ZBTB16: variants seen among roughly 807,000 people sequenced by gnomAD.
ZBTB16 encodes the protein zinc finger and BTB domain containing 16, also known as zinc finger and BTB domain-containing protein 16.
ZBTB16 carries 8 observed loss-of-function variants against 56.8 expected under a neutral mutation model. The observed-to-expected ratio is 0.14, with a 90% CI of 0.08 to 0.25. The LOEUF (loss-of-function observed/expected upper bound fraction) is 0.25. Among genes scored for constraint, ZBTB16 ranks in the 10% least tolerant of loss-of-function variants. The pLI is 1.00. For synonymous variants in ZBTB16, 363 were observed against 368.5 expected (o/e 0.98, Z 0.17); for missense variants, 625 against 903.0 (o/e 0.69, Z 3.95).
intron 2 of ZBTB16, among the ~76,000 whole-genome samples, chr11:114,097,832 C>CGA (rs1248138083): frequency 6.6e-6 from 1 of 152,194 alleles, no homozygotes; most frequent in Non-Finnish European, 1.5e-5. Flanking sequence ...ATCTTCCGCT[C>CGA]TGATTTTTTT....
rs532992495 is a variant in ZBTB16 at position 114,254,441 on chromosome 11, T to C, written c.*3886T>C. Among the ~76,000 whole-genome samples the C allele has an allele frequency of 1.1e-4, 17 of 152,162 alleles. No individual in the cohort carries two copies. Among genetic ancestry groups the C allele is most frequent in the Non-Finnish European group, 2.2e-4 (15 of 68,028 alleles). ...GCTGCAATTTTTCACAAGTGTATGG[T>C]ACCTTTCTGGATGCTATTGGTACAA... is the stretch of plus-strand genomic sequence containing the variant. On this transcript the variant is annotated 3_prime_UTR_variant, in exon 7 of 7. Transcript: ENST00000335953.
At chr11:114,230,817 G>A (rs752990435) in intron 4 of ZBTB16, among the ~76,000 whole-genome samples, 3 of 151,766 alleles carry the variant, frequency 2.0e-5, no homozygotes, top group African/African-American at 4.8e-5. Flanking sequence ...TTTCTGTCTC[G>A]CCCAACCCCT....
At chr11:114,112,176 T>G (rs1040717860) in intron 2 of ZBTB16, among the ~76,000 whole-genome samples, 1 of 152,234 alleles carries the variant, frequency 6.6e-6, no homozygotes, top group African/African-American at 2.4e-5. Flanking sequence ...GTTGGTTCTC[T>G]TTCGATATAA....
intron 2 of ZBTB16, among the ~76,000 whole-genome samples, chr11:114,134,624 A>T (rs896483989): frequency 3.3e-5 from 5 of 152,232 alleles, no homozygotes; most frequent in African/African-American, 1.2e-4. Flanking sequence ...TAGCACAGTT[A>T]AAATTTAGGG....
At chr11:114,238,572 C>A (rs992054557) in intron 4 of ZBTB16, among the ~76,000 whole-genome samples, 2 of 152,020 alleles carry the variant, frequency 1.3e-5, no homozygotes, top group African/African-American at 4.8e-5. Flanking sequence ...CTCTCCCAGG[C>A]CCCACTTCCT....
intron 2 of ZBTB16, among the ~76,000 whole-genome samples, chr11:114,098,037 C>T (rs866989736): frequency 6.6e-6 from 1 of 152,178 alleles, no homozygotes; most frequent in Non-Finnish European, 1.5e-5. Context: ...GGCCTTGTCT[C>T]CTCCTGCAAC....
chr11:114,078,219 C>T (rs1302544442), intron 2 of ZBTB16, among the ~76,000 whole-genome samples: 1 of 152,192 alleles, frequency 6.6e-6, no homozygotes, highest in East Asian at 1.9e-4. Flanking sequence ...GAGAACATTT[C>T]ATCAAGTGGG....
At chr11:114,124,098 A>G (rs1021153333) in intron 2 of ZBTB16, among the ~76,000 whole-genome samples, 6 of 152,068 alleles carry the variant, frequency 3.9e-5, no homozygotes, top group African/African-American at 1.4e-4. Flanking sequence ...GGTAATGGGG[A>G]GTGAAGTCCA....
intron 6 of ZBTB16, among the ~76,000 whole-genome samples, chr11:114,249,004 C>T (rs1432215852): frequency 1.3e-5 from 2 of 152,160 alleles, no homozygotes; most frequent in East Asian, 1.9e-4. Context: ...GGTTCCCTTA[C>T]ATCCTCTGCT....
At chr11:114,244,593 C>T (rs954997910) in intron 5 of ZBTB16, among the ~76,000 whole-genome samples, 2 of 151,914 alleles carry the variant, frequency 1.3e-5, no homozygotes, top group African/African-American at 4.8e-5. Context: ...GCTTCCAAAT[C>T]GGGATGGGGA....
intron 4 of ZBTB16, among the ~76,000 whole-genome samples, chr11:114,219,143 G>T (rs1353399390): frequency 6.6e-6 from 1 of 152,182 alleles, no homozygotes. Context: ...CACCTCATTA[G>T]AATGGGGGAG....
chr11:114,166,178 T>C (rs187310790), intron 3 of ZBTB16, among the ~76,000 whole-genome samples: 1 of 150,940 alleles, frequency 6.6e-6, no homozygotes, highest in African/African-American at 2.4e-5. Flanking sequence ...ACTGCAAGTA[T>C]CGTGGGGCAG....
At chr11:114,226,636 A>T (rs1591796923) in intron 4 of ZBTB16, among the ~76,000 whole-genome samples, 1 of 152,146 alleles carries the variant, frequency 6.6e-6, no homozygotes, top group African/African-American at 2.4e-5. Context: ...CCTCCTTCAG[A>T]GTGCCCAGGG....
intron 2 of ZBTB16, among the ~76,000 whole-genome samples, chr11:114,106,266 C>G (rs1230391693): frequency 2.0e-5 from 3 of 152,164 alleles, no homozygotes; most frequent in African/African-American, 7.2e-5. Context: ...ATCCCTTCCC[C>G]CTTGGCCGGT....
Position 114,096,124 on chromosome 11 carries a change from T to C in ZBTB16, c.1268+31556T>C, listed in dbSNP as rs113551398. ...ATTCTATGAAAAAGTAAATTCCTCA[T>C]GGTCTGAGCAACCAGGGGTATTTTA... On this transcript the variant is annotated intron_variant, in intron 2 of 6. Coordinates refer to ENST00000335953, the MANE Select transcript of ZBTB16 (RefSeq NM_006006.6). 2.7e-4 allele frequency among the ~76,000 whole-genome samples: 41 copies of C among 152,332 alleles called. 1 individual carries two copies. The highest frequency in any genetic ancestry group is 1.8e-3 in the Admixed American group (27 of 15,300).
At chr11:114,070,254 G>A (rs1032383987) in intron 2 of ZBTB16, among the ~76,000 whole-genome samples, 6 of 151,096 alleles carry the variant, frequency 4.0e-5, no homozygotes, top group East Asian at 1.9e-4. Flanking sequence ...GACTACAGGC[G>A]CCCGCCACCG....
intron 2 of ZBTB16, among the ~76,000 whole-genome samples, chr11:114,094,288 C>T (rs1017770015): frequency 6.6e-6 from 1 of 152,010 alleles, no homozygotes; most frequent in African/African-American, 2.4e-5. Flanking sequence ...GCACTCCAGC[C>T]TGGGAGACAG....
At chr11:114,233,114 CA>C (rs1944490093) in intron 4 of ZBTB16, among the ~76,000 whole-genome samples, 1 of 36,870 alleles carries the variant, frequency 2.7e-5, no homozygotes, top group Non-Finnish European at 8.1e-5. Context: ...CACACACACA[CA>C]CACACACACA....
At position 114,255,121 on chromosome 11, in the gene ZBTB16, A is replaced by ATG. The variant is rs1565713852; in HGVS notation, c.*4568_*4569dup. ...TATATAAAGATAAATATATATATAT[A>ATG]TGTATGTAAATTATAGCACTGAGGG... is the stretch of plus-strand genomic sequence containing the variant. On this transcript the variant is annotated 3_prime_UTR_variant, in exon 7 of 7. Coordinates refer to ENST00000335953, the MANE Select transcript of ZBTB16 (RefSeq NM_006006.6). Among the ~76,000 whole-genome samples, 1 of 152,132 alleles carries ATG rather than the reference A, an allele frequency of 6.6e-6. No homozygotes were observed. Among genetic ancestry groups the ATG allele is most frequent in the Non-Finnish European group, 1.5e-5 (1 of 68,020 alleles).
Sources: gnomAD v4.1 joint callset for allele counts (sites outside exome capture counted in the v4.1 genomes callset) on GRCh38, gnomAD v4.1.1 for gene constraint, MANE v1.5 for transcripts, NCBI Gene and HGNC (gene_info 2026-07-23, HGNC 2026-07-21) for gene names.